Variants in AHCYL2 observed in about 807,000 individuals in gnomAD.
The protein encoded by AHCYL2 is S-adenosylhomocysteine hydrolase-like protein 2.
AHCYL2 carries 28 observed loss-of-function variants against 81.4 expected under a neutral mutation model. That is an observed-to-expected ratio of 0.34 (90% CI 0.25 to 0.47). AHCYL2 has a LOEUF of 0.47. AHCYL2 is among the 20% of genes least tolerant of loss of function. The pLI is 1.00. For synonymous variants in AHCYL2, 272 were observed against 290.2 expected (o/e 0.94, Z 0.64); for missense variants, 551 against 785.1 (o/e 0.70, Z 3.56).
intron 1 of AHCYL2, among the ~76,000 whole-genome samples, chr7:129,230,573 C>CT (rs536458674): frequency 2.2e-3 from 300 of 135,036 alleles, no homozygotes; most frequent in East Asian, 4.4e-3. Flanking sequence ...CCTTCTAAAT[C>CT]TTTTTTTTTT....
chr7:129,404,284 T>C (rs1173578656), intron 7 of AHCYL2, among the ~76,000 whole-genome samples: 1 of 152,158 alleles, frequency 6.6e-6, no homozygotes, highest in Non-Finnish European at 1.5e-5. Flanking sequence ...AAATGAGTAA[T>C]AATTCTCTGA....
intron 1 of AHCYL2, among the ~76,000 whole-genome samples, chr7:129,245,785 T>C (rs1403365311): frequency 3.9e-5 from 6 of 152,254 alleles, no homozygotes; most frequent in Admixed American, 3.9e-4. Context: ...ACCTTTTGGC[T>C]GTTGTGAATA....
In AHCYL2 at chr7:129,419,922, G is replaced by A. The variant is rs17628482; in HGVS notation, c.1462-2918G>A. On this transcript the variant is annotated intron_variant, in intron 12 of 16. Transcript: ENST00000325006. This position sits in a 1 kb window ranked among gnomAD's most constrained non-coding sequence, Gnocchi z 4.7. Reference sequence around the variant, plus strand: ...AGGTCCACAGCAAAGACAACTGGATGTTTTTAAGAGAGATTCTTGTCAAGT... The same window carrying A: ...AGGTCCACAGCAAAGACAACTGGATATTTTTAAGAGAGATTCTTGTCAAGT... Among the ~76,000 whole-genome samples, 4,975 of 152,244 alleles carry A rather than the reference G, an allele frequency of 0.033. 112 individuals are homozygous for A. The highest frequency in any genetic ancestry group is 0.054 in the Middle Eastern group (16 of 294).
intron 1 of AHCYL2, among the ~76,000 whole-genome samples, chr7:129,250,586 C>T (rs931332993): frequency 8.5e-5 from 13 of 152,152 alleles, no homozygotes; most frequent in African/African-American, 3.1e-4. Flanking sequence ...GAAGTGGCAA[C>T]AGTGGACATG....
intron 2 of AHCYL2, among the ~76,000 whole-genome samples, chr7:129,387,292 A>G (rs1584865081): frequency 6.6e-6 from 1 of 152,364 alleles, no homozygotes; most frequent in East Asian, 1.9e-4. Flanking sequence ...TATGCCTAGT[A>G]CATAATAGAT....
intron 10 of AHCYL2, among the ~76,000 whole-genome samples, chr7:129,408,190 A>G (rs1459410600): frequency 1.3e-5 from 2 of 152,216 alleles, no homozygotes; most frequent in African/African-American, 2.4e-5. Flanking sequence ...AAAGGAAGCG[A>G]CATGATCCAA....
At chr7:129,290,581 G>A (rs1796809897) in intron 1 of AHCYL2, among the ~76,000 whole-genome samples, 1 of 151,906 alleles carries the variant, frequency 6.6e-6, no homozygotes, top group African/African-American at 2.4e-5. Context: ...TGAAGAAAGT[G>A]CAGTATAACA....
intron 1 of AHCYL2, among the ~76,000 whole-genome samples, chr7:129,253,757 A>G (rs968456627): frequency 3.9e-5 from 6 of 152,192 alleles, no homozygotes; most frequent in Non-Finnish European, 7.3e-5. Context: ...GATTACAGGC[A>G]TAAGCTGCTC....
intron 1 of AHCYL2, among the ~76,000 whole-genome samples, chr7:129,264,544 G>C (rs1178350796): frequency 6.6e-6 from 1 of 152,246 alleles, no homozygotes; most frequent in Non-Finnish European, 1.5e-5. Context: ...GCTAAAGTCT[G>C]TGAAATTATA....
intron 1 of AHCYL2, chr7:129,375,803 A>G: frequency 6.5e-7 from 1 of 1,530,526 alleles, no homozygotes; most frequent in South Asian, 1.2e-5. Context: ...CTGATGAGGA[A>G]AGTTTAAAGG....
chr7:129,363,620 TCTGCCTCCCAGGTTCAAGCAGTTCTCC>T (rs1794006700), intron 1 of AHCYL2, among the ~76,000 whole-genome samples: 1 of 152,192 alleles, frequency 6.6e-6, no homozygotes. Context: ...CACTGCAACC[TCTGCCTCCCAGGTTCAAGCAGTTCTCC>T]CTGCCTCAGC....
chr7:129,235,401 A>G (rs1454751825), intron 1 of AHCYL2, among the ~76,000 whole-genome samples: 3 of 145,300 alleles, frequency 2.1e-5, no homozygotes, highest in African/African-American at 7.4e-5. Context: ...GTGCCACCTC[A>G]TCCAGCCTCC....
At chr7:129,278,782 T>G (rs1361108545) in intron 1 of AHCYL2, among the ~76,000 whole-genome samples, 2 of 150,084 alleles carry the variant, frequency 1.3e-5, no homozygotes, top group Admixed American at 6.6e-5. Context: ...TTTTTTTTTT[T>G]GCATATGAAT....
chr7:129,408,284 A>G (rs561262807), intron 10 of AHCYL2, among the ~76,000 whole-genome samples: 12 of 152,362 alleles, frequency 7.9e-5, no homozygotes, highest in Middle Eastern at 3.4e-3. Flanking sequence ...GGGTTACTAT[A>G]GTAATCTAGG....
intron 1 of AHCYL2, among the ~76,000 whole-genome samples, chr7:129,241,780 G>C (rs916513174): frequency 3.9e-5 from 6 of 151,960 alleles, no homozygotes; most frequent in Admixed American, 3.9e-4. Context: ...CCCTTTGAGA[G>C]GCCAAGGTGG....
At chr7:129,310,683 A>T (rs1010809140) in intron 1 of AHCYL2, among the ~76,000 whole-genome samples, 5 of 152,194 alleles carry the variant, frequency 3.3e-5, no homozygotes, top group African/African-American at 1.2e-4. Flanking sequence ...GGTGAGAGAC[A>T]TTATTTGTAG....
At chr7:129,399,141 CAAAAAAAAA>C (rs71162600) in intron 5 of AHCYL2, among the ~76,000 whole-genome samples, 3 of 44,968 alleles carry the variant, frequency 6.7e-5, no homozygotes, top group Non-Finnish European at 1.1e-4. Context: ...GACTCCATCT[CAAAAAAAAA>C]AAAAAAAAAA....
intron 1 of AHCYL2, among the ~76,000 whole-genome samples, chr7:129,256,552 C>CCG (rs1373915417): frequency 7.6e-6 from 1 of 130,990 alleles, no homozygotes; most frequent in South Asian, 3.0e-4. Context: ...ACCCCCCACC[C>CCG]CCCCCCCGCC....
At chr7:129,336,152 T>C (rs1388642289) in intron 1 of AHCYL2, among the ~76,000 whole-genome samples, 2 of 136,746 alleles carry the variant, frequency 1.5e-5, no homozygotes, top group African/African-American at 5.4e-5. Context: ...CACTGCAACC[T>C]CTACTCCCAG....
Sources: gnomAD v4.1 joint callset for allele counts (sites outside exome capture counted in the v4.1 genomes callset) on GRCh38, gnomAD v4.1.1 for gene constraint, Gnocchi (gnomAD v3.1) non-coding constraint, MANE v1.5 for transcripts, NCBI Gene and HGNC (gene_info 2026-07-23, HGNC 2026-07-21) for gene names.